Variants in SPIRE1 observed in about 807,000 individuals in gnomAD.
SPIRE1 encodes the protein protein spire homolog 1.
Under a neutral mutation model 94.1 loss-of-function variants are expected in SPIRE1, and 40 were observed. The ratio of observed to expected loss-of-function variants is 0.43; its 90% CI spans 0.33 to 0.55. SPIRE1 has a LOEUF of 0.55. SPIRE1 is among the 20% of genes least tolerant of loss of function. The probability of loss-of-function intolerance (pLI) is 0.06; values close to 1 mark genes in which losing one functional copy is unlikely to be tolerated. For synonymous variants in SPIRE1, 376 were observed against 371.7 expected, an observed-to-expected ratio of 1.01 and a Z score of -0.13; for missense variants, 838 against 975.2, an observed-to-expected ratio of 0.86 and a Z score of 1.87.
rs894900176 is a variant in SPIRE1, at chr18:12,625,672, A to G, written c.372+9390T>C. The stretch of plus-strand genomic sequence containing the variant: ...TGCATGCAAATATTTTCATGTGTGC[A>G]TAACTACTACTTTCTTCTTTCAGGT... On this transcript the variant is annotated intron_variant, in intron 2 of 16. Coordinates refer to ENST00000409402, the MANE Select transcript of SPIRE1 (RefSeq NM_001128626.2). 3.3e-5 allele frequency among the ~76,000 whole-genome samples: 5 copies of G among 152,374 alleles called. No homozygotes were observed. In the South Asian group the frequency reaches 6.2e-4, roughly 19 times the overall value.
intron 16 of SPIRE1, chr18:12,451,098 A>C: frequency 2.6e-6 from 1 of 384,428 alleles, no homozygotes; most frequent in Non-Finnish European, 4.8e-6. Flanking sequence ...ATAATACTAA[A>C]AACTCTTAAC....
At chr18:12,513,489 CTTTATTTA>C (rs10580270) in intron 4 of SPIRE1, among the ~76,000 whole-genome samples, 63,903 of 142,632 alleles carry the variant, frequency 0.45, 14,714 homozygotes, top group South Asian at 0.55. Context: ...GAATACTTAA[CTTTATTTA>C]TTTATTTATT....
intron 4 of SPIRE1, among the ~76,000 whole-genome samples, chr18:12,524,361 A>G (rs1364863176): frequency 6.6e-6 from 1 of 152,214 alleles, no homozygotes; most frequent in Non-Finnish European, 1.5e-5. Context: ...CATTCAGAAG[A>G]ATTTGGCCGA....
chr18:12,536,960 T>C (rs545843570), intron 3 of SPIRE1, among the ~76,000 whole-genome samples: 1 of 152,354 alleles, frequency 6.6e-6, no homozygotes, highest in Non-Finnish European at 1.5e-5. Flanking sequence ...TTTCTATCAA[T>C]TAAAGAATAA....
chr18:12,638,568 C>T (rs1053331934), intron 1 of SPIRE1, among the ~76,000 whole-genome samples: 3 of 152,160 alleles, frequency 2.0e-5, no homozygotes, highest in Non-Finnish European at 4.4e-5. Flanking sequence ...GCTCCTGATT[C>T]CTCCTCATGT....
intron 2 of SPIRE1, among the ~76,000 whole-genome samples, chr18:12,623,962 C>T (rs1426844340): frequency 4.8e-5 from 7 of 147,266 alleles, no homozygotes; most frequent in South Asian, 2.1e-4. Context: ...CTCACTCTGT[C>T]GCCCAGGTTG....
In SPIRE1 at chr18:12,580,174, T is replaced by C. The variant is rs1598492201; in HGVS notation, c.373-33270A>G. Among the ~76,000 whole-genome samples the C allele has an allele frequency of 2.6e-5, 4 of 152,250 alleles. No homozygotes were observed. The South Asian group carries it at 8.3e-4, about 32-fold the overall frequency. ...AGATGCAGGCAGGTGGACTGGACAG[T>C]GGGACAATGTGAAAGTTCTCTTCAG... On this transcript the variant is annotated intron_variant, in intron 2 of 16. Coordinates refer to ENST00000409402, the MANE Select transcript of SPIRE1 (RefSeq NM_001128626.2).
At chr18:12,564,313 A>G (rs2035761466) in intron 2 of SPIRE1, among the ~76,000 whole-genome samples, 1 of 152,126 alleles carries the variant, frequency 6.6e-6, no homozygotes, top group Non-Finnish European at 1.5e-5. Flanking sequence ...TGAAACCAAG[A>G]AACTACTAGG....
At chr18:12,579,851 C>G (rs1296916219) in intron 2 of SPIRE1, among the ~76,000 whole-genome samples, 1 of 152,240 alleles carries the variant, frequency 6.6e-6, no homozygotes, top group Non-Finnish European at 1.5e-5. Flanking sequence ...CTGTACCTCA[C>G]TCTACCACTT....
intron 12 of SPIRE1, among the ~76,000 whole-genome samples, chr18:12,457,882 T>C (rs552956205): frequency 1.3e-5 from 2 of 150,606 alleles, no homozygotes; most frequent in South Asian, 2.1e-4. Flanking sequence ...TCTCGCTCTT[T>C]CGCCCAGGCT....
At chr18:12,462,362 G>A (rs1006665937) in intron 12 of SPIRE1, among the ~76,000 whole-genome samples, 17 of 152,116 alleles carry the variant, frequency 1.1e-4, no homozygotes, top group African/African-American at 4.1e-4. Flanking sequence ...ATGAATATTT[G>A]AAAACACATT....
intron 2 of SPIRE1, among the ~76,000 whole-genome samples, chr18:12,634,498 A>G (rs539520541): frequency 1.1e-4 from 16 of 152,222 alleles, no homozygotes; most frequent in Non-Finnish European, 2.2e-4. Context: ...TCAATTCTGC[A>G]AATAATAATA....
chr18:12,530,884 TG>T (rs1363357762), intron 4 of SPIRE1, among the ~76,000 whole-genome samples: 2 of 152,172 alleles, frequency 1.3e-5, no homozygotes, highest in Non-Finnish European at 2.9e-5. Context: ...TATGAAACAG[TG>T]TATTACTGGA....
intron 2 of SPIRE1, among the ~76,000 whole-genome samples, chr18:12,575,329 T>A (rs905613635): frequency 1.3e-5 from 2 of 152,118 alleles, no homozygotes; most frequent in Non-Finnish European, 2.9e-5. Context: ...AAAAAGCTAG[T>A]CGTTTCTCAA....
At chr18:12,605,247 G>C (rs1272458749) in intron 2 of SPIRE1, among the ~76,000 whole-genome samples, 1 of 152,190 alleles carries the variant, frequency 6.6e-6, no homozygotes, top group Non-Finnish European at 1.5e-5. Context: ...GGCTGGGCAT[G>C]GTGGCTCACG....
upstream of SPIRE1, chr18:12,661,328 T>A: frequency 4.1e-6 from 4 of 980,788 alleles, no homozygotes; most frequent in Non-Finnish European, 3.6e-6. Context: ...GAAAAAAAAT[T>A]GATAAGCCTT....
At chr18:12,590,342 G>A (rs528921774) in intron 2 of SPIRE1, among the ~76,000 whole-genome samples, 1 of 152,172 alleles carries the variant, frequency 6.6e-6, no homozygotes, top group East Asian at 1.9e-4. Context: ...CACCTGCCTT[G>A]GCCTCCCAAA....
At position 12,447,952 on chromosome 18, in the gene SPIRE1, TA is replaced by T. The variant is rs1568174389; in HGVS notation, c.*1685del. 6.6e-6 allele frequency: 1 copy of T among 152,156 alleles called. No individual in the cohort carries two copies. The highest frequency in any genetic ancestry group is 1.5e-5 in the Non-Finnish European group (1 of 68,042). The allele number at this position is 152,156 out of a possible 1,614,324, so 9.4% of individuals were successfully genotyped here. A position where few individuals can be genotyped will look rare whatever the true frequency, so the allele number is the denominator to read the frequency against. ...AACTGTCTGGAGTATAGAGTTCAGA[TA>T]GTCTCTTAGGAAGTTTTATAAATGA... is the stretch of plus-strand genomic sequence containing the variant. On this transcript the variant is annotated 3_prime_UTR_variant, in exon 17 of 17. Coordinates refer to ENST00000409402, the MANE Select transcript of SPIRE1 (RefSeq NM_001128626.2).
chr18:12,520,202 C>T (rs1341279896), intron 4 of SPIRE1, among the ~76,000 whole-genome samples: 1 of 152,000 alleles, frequency 6.6e-6, no homozygotes, highest in African/African-American at 2.4e-5. Flanking sequence ...CTGATATGCG[C>T]TTGTTAGTTA....
Sources: gnomAD v4.1 joint callset for allele counts (sites outside exome capture counted in the v4.1 genomes callset) on GRCh38, gnomAD v4.1.1 for gene constraint, MANE v1.5 for transcripts, NCBI Gene and HGNC (gene_info 2026-07-23, HGNC 2026-07-21) for gene names.